Variants in CMIP observed in about 807,000 individuals in gnomAD.
The protein encoded by CMIP is C-Maf-inducing protein.
In CMIP, 13 loss-of-function variants were observed where a neutral mutation model predicts 97.3. The ratio of observed to expected loss-of-function variants is 0.13; its 90% CI spans 0.09 to 0.21. CMIP has a LOEUF of 0.21. Among genes scored for constraint, CMIP ranks in the 10% least tolerant of loss-of-function variants. The probability of loss-of-function intolerance (pLI) is 1.00; values close to 1 mark genes in which losing one functional copy is unlikely to be tolerated. For missense variants in CMIP, 847 were observed against 1,024.9 expected (o/e 0.83, Z 2.37); for synonymous variants, 538 against 436.3 (o/e 1.23, Z -2.91).
chr16:81,662,828 C>A (rs771881724), intron 6 of CMIP, among the ~76,000 whole-genome samples: 1 of 152,184 alleles, frequency 6.6e-6, no homozygotes, highest in Non-Finnish European at 1.5e-5. Context: ...TGCAGACTGC[C>A]ACCCGAGTGC....
At position 81,652,122 on chromosome 16, in the gene CMIP, A is replaced by C. The variant is rs556414134; in HGVS notation, c.478-81A>C. The C allele has an allele frequency of 8.5e-5, 102 of 1,196,708 alleles. No individual in the cohort carries two copies. In the African/African-American group the frequency reaches 1.5e-3, roughly 18 times the overall value. The allele number at this position is 1,196,708 out of a possible 1,614,324, so 74.1% of individuals were successfully genotyped here. On this transcript the variant is annotated intron_variant, in intron 3 of 20. Transcript: ENST00000537098. The surrounding 1 kb of genome is among the most constrained non-coding windows in gnomAD (Gnocchi z 5.2). The stretch of plus-strand genomic sequence containing the variant: ...CTCAGGGCCCTTTACACCCTAACCC[A>C]TCTGATTCTTTGATTGTCTTCCATC...
chr16:81,696,935 A>G (rs1002642284), intron 14 of CMIP: 3 of 521,186 alleles, frequency 5.8e-6, no homozygotes, highest in South Asian at 4.8e-5. Flanking sequence ...GACACATGTC[A>G]TTGCCCCATT....
chr16:81,525,301 G>T (rs1356091459), intron 1 of CMIP, among the ~76,000 whole-genome samples: 1 of 151,596 alleles, frequency 6.6e-6, no homozygotes, highest in Non-Finnish European at 1.5e-5. Flanking sequence ...CCGCCATTAT[G>T]CCTGGCTAAT....
intron 1 of CMIP, among the ~76,000 whole-genome samples, chr16:81,585,618 G>A (rs1348211063): frequency 6.6e-6 from 1 of 152,132 alleles, no homozygotes; most frequent in Non-Finnish European, 1.5e-5. Context: ...CATTTTCAAG[G>A]TTCATCCATG....
chr16:81,513,688 A>G (rs1052433406), intron 1 of CMIP, among the ~76,000 whole-genome samples: 11 of 152,248 alleles, frequency 7.2e-5, no homozygotes, highest in Admixed American at 2.0e-4. Flanking sequence ...AGATGGGTCA[A>G]TTCCCAGAGT....
chr16:81,631,844 AT>A (rs570605463), intron 3 of CMIP: 208 of 152,362 alleles, frequency 1.4e-3, no homozygotes, highest in African/African-American at 4.9e-3. Context: ...CTGAATTATC[AT>A]TCGTTGATGC....
intron 1 of CMIP, among the ~76,000 whole-genome samples, chr16:81,603,607 C>G (rs910311104): frequency 1.3e-5 from 2 of 152,170 alleles, no homozygotes; most frequent in African/African-American, 4.8e-5. Flanking sequence ...TGTCCTTTTT[C>G]TGTCCCGGGA....
At chr16:81,708,513 C>T (rs1025319417) in intron 20 of CMIP, among the ~76,000 whole-genome samples, 1 of 152,206 alleles carries the variant, frequency 6.6e-6, no homozygotes, top group African/African-American at 2.4e-5. Context: ...CACTTTCAGT[C>T]GATTTTTTTA....
intron 1 of CMIP, among the ~76,000 whole-genome samples, chr16:81,582,903 T>C (rs2091320009): frequency 6.6e-6 from 1 of 152,098 alleles, no homozygotes; most frequent in South Asian, 2.1e-4. Flanking sequence ...GGGGACACCA[T>C]TCGGGGGCCA....
chr16:81,608,974 C>G (rs2091786911), intron 2 of CMIP, among the ~76,000 whole-genome samples: 1 of 152,168 alleles, frequency 6.6e-6, no homozygotes. Flanking sequence ...GGCTGAGAGT[C>G]ACCCAGTCTG....
chr16:81,674,411 G>A (rs551858720), intron 9 of CMIP, among the ~76,000 whole-genome samples: 1 of 152,280 alleles, frequency 6.6e-6, no homozygotes, highest in South Asian at 2.1e-4. Flanking sequence ...GATTACAGGC[G>A]TGAGCCACCG....
Position 81,578,053 on chromosome 16 carries a change from C to T in CMIP, c.301-29514C>T, listed in dbSNP as rs971649503. ...ATTACCACTACTTTATTATCACTAT[C>T]ACCATCACCATCATCACCATCACCT... On this transcript the variant is annotated intron_variant, in intron 1 of 20. Transcript: ENST00000537098. 2.6e-5 allele frequency among the ~76,000 whole-genome samples: 4 copies of T among 152,060 alleles called. No homozygotes were observed. In the East Asian group the frequency reaches 7.7e-4, roughly 29 times the overall value.
chr16:81,707,088 A>T lies in CMIP; in HGVS notation c.2268+4A>T, dbSNP rs1437121757. 6.2e-7 allele frequency: 1 copy of T among 1,612,814 alleles called. No individual in the cohort carries two copies. Among genetic ancestry groups the T allele is most frequent in the Non-Finnish European group, 8.5e-7 (1 of 1,178,938 alleles). ...TGACACCTACGAAGATCTGAAGGTA[A>T]TTCCCTCCTTCCTCCCCACTCTCCT... On this transcript the variant is annotated splice_donor_region_variant and intron_variant, in intron 20 of 20. Coordinates refer to ENST00000537098, the MANE Select transcript of CMIP (RefSeq NM_198390.3).
At chr16:81,488,977 T>TC (rs1007986769) in intron 1 of CMIP, among the ~76,000 whole-genome samples, 22 of 151,584 alleles carry the variant, frequency 1.5e-4, no homozygotes, top group African/African-American at 5.1e-4. Flanking sequence ...TTTCATTCAT[T>TC]TTTTTTTTCA....
intron 1 of CMIP, among the ~76,000 whole-genome samples, chr16:81,470,659 T>C (rs1416965502): frequency 6.6e-6 from 1 of 152,258 alleles, no homozygotes; most frequent in Non-Finnish European, 1.5e-5. Context: ...GATCTTGCTG[T>C]GTTTCCCAGG....
chr16:81,478,777 T>C (rs1260781811), intron 1 of CMIP, among the ~76,000 whole-genome samples: 1 of 152,172 alleles, frequency 6.6e-6, no homozygotes, highest in Non-Finnish European at 1.5e-5. Context: ...GGAAGCGCCA[T>C]ATCCAGAGGC....
chr16:81,634,540 A>C (rs2092209289), intron 3 of CMIP, among the ~76,000 whole-genome samples: 2 of 152,110 alleles, frequency 1.3e-5, no homozygotes, highest in Non-Finnish European at 2.9e-5. Flanking sequence ...TGTGGTGAAC[A>C]CCATTGAACT....
intron 1 of CMIP, among the ~76,000 whole-genome samples, chr16:81,498,808 C>G (rs1425254140): frequency 6.6e-6 from 1 of 152,220 alleles, no homozygotes; most frequent in Non-Finnish European, 1.5e-5. Context: ...ACACCCAGCC[C>G]ATATCTTCCT....
chr16:81,495,553 CCTG>C (rs2089475017), intron 1 of CMIP: 31 of 1,572,884 alleles, frequency 2.0e-5, no homozygotes, highest in Admixed American at 1.0e-4. Flanking sequence ...TAAAACCTCG[CCTG>C]CTGCTGCTGG....
Sources: allele counts gnomAD v4.1 joint callset (sites outside exome capture counted in the v4.1 genomes callset), GRCh38; gene constraint gnomAD v4.1.1; non-coding constraint Gnocchi (gnomAD v3.1); transcripts MANE v1.5; gene names NCBI Gene and HGNC (gene_info 2026-07-23, HGNC 2026-07-21).